The following TACC2 variants were observed in gnomAD, a reference collection of about 807,000 sequenced individuals.
TACC2 encodes the protein transforming acidic coiled-coil containing protein 2.
Under a neutral mutation model 227.3 loss-of-function variants are expected in TACC2, and 137 were observed. The ratio of observed to expected loss-of-function variants is 0.60; its 90% confidence interval spans 0.52 to 0.69. The LOEUF (loss-of-function observed/expected upper bound fraction) is 0.69. TACC2 is among the 30% of genes least tolerant of loss of function. The pLI is 0.00. For synonymous variants in TACC2, 1,523 were observed against 1,487.5 expected (o/e 1.02, Z -0.55); for missense variants, 3,470 against 3,694.4 (o/e 0.94, Z 1.57).
At chr10:122,049,291 C>T (rs577543774) in intron 2 of TACC2, among the ~76,000 whole-genome samples, 3 of 152,218 alleles carry the variant, frequency 2.0e-5, no homozygotes, top group East Asian at 1.9e-4. Context: ...TCTCTGCCTG[C>T]GAGCTCTGCC....
intron 5 of TACC2, chr10:122,112,882 C>T (rs1417582240): frequency 6.6e-6 from 1 of 152,042 alleles, no homozygotes; most frequent in Admixed American, 6.6e-5. Flanking sequence ...CCCGGCCCCG[C>T]GCATTCCTGG....
At chr10:122,090,842 C>T (rs1047906003) in intron 5 of TACC2, among the ~76,000 whole-genome samples, 4 of 152,078 alleles carry the variant, frequency 2.6e-5, no homozygotes, top group Non-Finnish European at 1.5e-5. Context: ...TCGACCACCC[C>T]AGGATCCTCC....
intron 10 of TACC2, among the ~76,000 whole-genome samples, chr10:122,216,370 C>A (rs891139440): frequency 3.8e-5 from 5 of 133,306 alleles, no homozygotes; most frequent in Middle Eastern, 7.0e-3. Context: ...AACTAAGACA[C>A]AAAATCCTGA....
intron 12 of TACC2, among the ~76,000 whole-genome samples, 160 bp downstream of exon 12, chr10:122,224,947 G>A (rs1404456343): frequency 1.3e-5 from 2 of 151,994 alleles, no homozygotes; most frequent in African/African-American, 4.8e-5. Flanking sequence ...GGGGCTGGGG[G>A]GTTGAGGTTT....
intron 5 of TACC2, among the ~76,000 whole-genome samples, chr10:122,122,837 C>T (rs929762957): frequency 1.1e-4 from 16 of 152,246 alleles, no homozygotes; most frequent in African/African-American, 3.9e-4. Flanking sequence ...CTTATGACTG[C>T]TGTTATCATT....
chr10:122,034,927 CAAA>C lies in TACC2; in HGVS notation c.33+12929_33+12931del, dbSNP rs66566854. 2.0e-3 allele frequency among the ~76,000 whole-genome samples: 236 copies of C among 116,170 alleles called. 1 individual carries two copies. Among genetic ancestry groups the C allele is most frequent in the African/African-American group, 4.7e-3 (147 of 30,962 alleles). The allele number at this position is 116,170 out of a possible 152,430, so 76.2% of individuals were successfully genotyped here. On this transcript the variant is annotated intron_variant, in intron 2 of 22. Coordinates refer to ENST00000369005, the MANE Select transcript of TACC2 (RefSeq NM_206862.4). ...TGGGCGATAGAGTGAGACTCCATCTCAAAAAAAAAAAAAAAAAAGTTTTGGAAT... is the reference window on the plus strand; with the variant it reads ...TGGGCGATAGAGTGAGACTCCATCTCAAAAAAAAAAAAAAAGTTTTGGAAT...
At chr10:122,119,305 C>T (rs1306597930) in intron 5 of TACC2, among the ~76,000 whole-genome samples, 2 of 152,150 alleles carry the variant, frequency 1.3e-5, no homozygotes, top group Non-Finnish European at 2.9e-5. Flanking sequence ...TTATAAATGG[C>T]GAGTAAGTGG....
chr10:122,048,320 A>G (rs1057083461), intron 2 of TACC2, among the ~76,000 whole-genome samples: 3 of 151,522 alleles, frequency 2.0e-5, no homozygotes, highest in African/African-American at 7.3e-5. Context: ...CAGCCATGGG[A>G]CTGGGGTCTG....
chr10:122,196,859 C>T (rs537125000), intron 8 of TACC2, among the ~76,000 whole-genome samples: 26 of 148,540 alleles, frequency 1.8e-4, no homozygotes, highest in African/African-American at 6.4e-4. Flanking sequence ...TGGTGTGAAC[C>T]CAGGAGGCGG....
At chr10:122,184,131 C>T (rs1240866825) in intron 7 of TACC2, among the ~76,000 whole-genome samples, 1 of 152,158 alleles carries the variant, frequency 6.6e-6, no homozygotes, top group Non-Finnish European at 1.5e-5. Flanking sequence ...CTTCGCAGCC[C>T]CTGGCTGAGG....
At chr10:122,058,589 A>G (rs906807585) in intron 3 of TACC2, among the ~76,000 whole-genome samples, 1 of 152,194 alleles carries the variant, frequency 6.6e-6, no homozygotes, top group African/African-American at 2.4e-5. Flanking sequence ...TTGTATTTTT[A>G]GTAGAGACGG....
At chr10:122,224,853 G>C (rs931641901) in intron 12 of TACC2, 66 bp downstream of exon 12, 2 of 1,328,464 alleles carry the variant, frequency 1.5e-6, no homozygotes, top group East Asian at 4.6e-5. Context: ...CTCCTCCCCT[G>C]TGCAGAGTGT....
In TACC2 at chr10:122,087,415, G is replaced by C. The variant is rs866334081; in HGVS notation, c.4915G>C (p.Glu1639Gln). 5.0e-6 allele frequency: 8 copies of C among 1,614,060 alleles called. No individual in the cohort carries two copies. The East Asian group carries it at 6.7e-5, about 13-fold the overall frequency. ...CACGTGTGCCCCTTCTCCTCAGAGG[G>C]AGGTTTTGACTGTGCCTGAGGCCAA... ...RSTCAPSPQR[E>Q]VLTVPEANSE... The change falls in exon 4 of 23, where the codon GAG becomes CAG. Residue 1639 changes from glutamate to glutamine, a missense_variant. This residue lies in a region of TACC2 where 1,924 missense variants were observed against 1,978.3 expected (regional missense o/e 0.97). Coordinates refer to ENST00000369005, the MANE Select transcript of TACC2 (RefSeq NM_206862.4).
Position 122,195,142 on chromosome 10 carries a change from C to T in TACC2, c.5937C>T (p.Pro1979=), listed in dbSNP as rs138045107. Residue 1979 remains proline (P), a synonymous_variant, in exon 8 of 23, where the codon CCC becomes CCT. Coordinates refer to ENST00000369005, the MANE Select transcript of TACC2 (RefSeq NM_206862.4). The part of the protein sequence containing the change: ...PPPPPEVIPE[P]EVSTQPPPEE... ...CACCCCCCGAAGTCATCCCAGAACC[C>T]GAGGTCAGCACACAGCCACCCCCGG... The T allele has an allele frequency of 6.9e-4, 1,118 of 1,613,160 alleles. 3 individuals carry two copies. The highest frequency in any genetic ancestry group is 8.6e-4 in the Non-Finnish European group (1,012 of 1,179,552).
intron 19 of TACC2, chr10:122,246,889 G>A (rs1163321635): frequency 1.3e-5 from 2 of 152,420 alleles, no homozygotes; most frequent in East Asian, 3.9e-4. Context: ...CTGCAAAGAG[G>A]AAAATGAAGG....
chr10:122,065,480 T>C (rs1182832127), intron 3 of TACC2, among the ~76,000 whole-genome samples: 4 of 152,236 alleles, frequency 2.6e-5, no homozygotes, highest in Admixed American at 2.0e-4. Flanking sequence ...AATTTCATTG[T>C]AGCCAGATAA....
chr10:122,052,746 C>G (rs1293170859), intron 3 of TACC2: 1 of 151,222 alleles, frequency 6.6e-6, no homozygotes, highest in Non-Finnish European at 1.5e-5. Context: ...GCTTCCTGTT[C>G]ACAATTAAAA....
chr10:122,004,251 A>T (rs1954782803), intron 1 of TACC2, among the ~76,000 whole-genome samples: 1 of 151,988 alleles, frequency 6.6e-6, no homozygotes, highest in Non-Finnish European at 1.5e-5. Flanking sequence ...TACAAAAATT[A>T]GTCGGGTGTG....
intron 7 of TACC2, among the ~76,000 whole-genome samples, chr10:122,166,086 A>G (rs1351591625): frequency 6.6e-6 from 1 of 152,204 alleles, no homozygotes; most frequent in Non-Finnish European, 1.5e-5. Flanking sequence ...AAGAGGTTGC[A>G]TTGTAAGATG....
Sources: gnomAD v4.1 joint callset for allele counts (sites outside exome capture counted in the v4.1 genomes callset) on GRCh38, gnomAD v4.1.1 for gene constraint, gnomAD v4.1.1 regional missense constraint, MANE v1.5 for transcripts, NCBI Gene and HGNC (gene_info 2026-07-23, HGNC 2026-07-21) for gene names.